The following UNC13C variants were observed in gnomAD, a reference collection of about 807,000 sequenced individuals.
UNC13C encodes the protein unc-13 homolog C.
UNC13C carries 174 observed loss-of-function variants against 245.4 expected under a neutral mutation model. That is an observed-to-expected ratio of 0.71 (90% confidence interval 0.63 to 0.80). The LOEUF (loss-of-function observed/expected upper bound fraction) is 0.80, where lower values mean the gene tolerates loss of function less well. Among genes scored for constraint, UNC13C ranks in the 30% least tolerant of loss-of-function variants. The probability of loss-of-function intolerance (pLI) is 0.00; values close to 1 mark genes in which losing one functional copy is unlikely to be tolerated. For synonymous variants in UNC13C, 992 were observed against 895.1 expected, an observed-to-expected ratio of 1.11 and a Z score of -1.93; for missense variants, 2,829 against 2,602.9, an observed-to-expected ratio of 1.09 and a Z score of -1.89.
chr15:53,923,763 A>C, the UNC13C span, among the ~76,000 whole-genome samples: 1 of 152,216 alleles, frequency 6.6e-6, no homozygotes. Context: ...CTCTGTTTGT[A>C]AGTGCTCCAA....
the UNC13C span, among the ~76,000 whole-genome samples, chr15:53,861,776 T>C: frequency 6.6e-6 from 1 of 152,150 alleles, no homozygotes; most frequent in Non-Finnish European, 1.5e-5. Flanking sequence ...TAAAGAGGAA[T>C]CATAACCTCA....
intron 4 of UNC13C, among the ~76,000 whole-genome samples, chr15:54,164,723 C>A (rs1030638701): frequency 6.6e-6 from 1 of 152,032 alleles, no homozygotes; most frequent in African/African-American, 2.4e-5. Flanking sequence ...TTGATGTAAA[C>A]GATTTGGGTT....
At chr15:54,206,308 C>T (rs2034706224) in intron 4 of UNC13C, among the ~76,000 whole-genome samples, 1 of 152,000 alleles carries the variant, frequency 6.6e-6, no homozygotes, top group South Asian at 2.1e-4. Context: ...TATCCCTCAT[C>T]CTCCAATCAA....
rs193043991 is a variant in UNC13C at position 54,328,484 on chromosome 15, G to A, written c.4426-3559G>A. ...CTAAGATAGCATGAATACATAGCTA[G>A]CACCTCCCAGGGGTGCTAAAGAAGG... On this transcript the variant is annotated intron_variant, in intron 14 of 32. Transcript: ENST00000260323. Among the ~76,000 whole-genome samples, 7 of 152,162 alleles carry A rather than the reference G, an allele frequency of 4.6e-5. No homozygotes were observed. The East Asian group carries it at 1.4e-3, about 30-fold the overall frequency.
At chr15:54,407,622 A>G (rs890035310) in intron 18 of UNC13C, among the ~76,000 whole-genome samples, 1 of 152,168 alleles carries the variant, frequency 6.6e-6, no homozygotes, top group Non-Finnish European at 1.5e-5. Context: ...AGCACAACCA[A>G]AATTGAAACC....
intron 18 of UNC13C, among the ~76,000 whole-genome samples, chr15:54,402,884 G>C (rs562909550): frequency 9.9e-5 from 15 of 152,188 alleles, no homozygotes; most frequent in African/African-American, 2.9e-4. Context: ...GGATCTGATT[G>C]CAACATCTTT....
intron 13 of UNC13C, among the ~76,000 whole-genome samples, chr15:54,315,149 A>T (rs2037976897): frequency 6.6e-6 from 1 of 151,738 alleles, no homozygotes; most frequent in Non-Finnish European, 1.5e-5. Context: ...AATCTCAGGT[A>T]ACTTCATGTA....
intron 1 of UNC13C, among the ~76,000 whole-genome samples, chr15:53,990,785 A>G (rs1294981830): frequency 2.0e-5 from 3 of 151,994 alleles, no homozygotes; most frequent in Admixed American, 6.6e-5. Flanking sequence ...TGTCCCTATC[A>G]TGTAATTTCA....
intron 2 of UNC13C, among the ~76,000 whole-genome samples, chr15:54,027,636 G>T (rs752896923): frequency 6.6e-6 from 1 of 152,160 alleles, no homozygotes; most frequent in Non-Finnish European, 1.5e-5. Context: ...CTCCCCAAGT[G>T]CTGGGATCAC....
intron 29 of UNC13C, among the ~76,000 whole-genome samples, chr15:54,565,376 A>T (rs1897465025): frequency 6.6e-6 from 1 of 152,036 alleles, no homozygotes; most frequent in Non-Finnish European, 1.5e-5. Flanking sequence ...GTGGCACAGC[A>T]GACACTACCA....
intron 2 of UNC13C, among the ~76,000 whole-genome samples, chr15:54,045,248 G>A (rs1166595148): frequency 1.3e-5 from 2 of 151,920 alleles, no homozygotes; most frequent in African/African-American, 4.8e-5. Context: ...TAAAACAGGG[G>A]TTTAGTTTCA....
At chr15:54,024,751 A>G (rs11629993) in intron 2 of UNC13C, among the ~76,000 whole-genome samples, 64,907 of 151,674 alleles carry the variant, frequency 0.43, 14,911 homozygotes, top group East Asian at 0.53. Flanking sequence ...CCCCGTCTCT[A>G]AAAACACAAA....
chr15:54,381,267 G>A (rs1003948221), intron 17 of UNC13C, among the ~76,000 whole-genome samples: 9 of 152,096 alleles, frequency 5.9e-5, no homozygotes, highest in South Asian at 2.1e-4. Flanking sequence ...CAGGTGGCTA[G>A]GATTTATTTT....
intron 30 of UNC13C, among the ~76,000 whole-genome samples, chr15:54,596,858 G>C (rs891820773): frequency 6.6e-6 from 1 of 152,104 alleles, no homozygotes; most frequent in Non-Finnish European, 1.5e-5. Context: ...AACTCCCAGA[G>C]GTCTCACCAG....
At chr15:54,581,332 C>T (rs1209031787) in intron 30 of UNC13C, among the ~76,000 whole-genome samples, 1 of 152,238 alleles carries the variant, frequency 6.6e-6, no homozygotes. Flanking sequence ...CCCAGAACAG[C>T]AGCCTCAGGA....
the UNC13C span, among the ~76,000 whole-genome samples, chr15:53,923,586 A>G: frequency 6.6e-6 from 1 of 152,164 alleles, no homozygotes; most frequent in Non-Finnish European, 1.5e-5. Flanking sequence ...ATCTTCCTTC[A>G]ATATTAGCTG....
intron 32 of UNC13C, among the ~76,000 whole-genome samples, chr15:54,626,544 T>C (rs553429793): frequency 9.3e-4 from 142 of 152,202 alleles, no homozygotes; most frequent in Admixed American, 2.0e-3. Context: ...CCATGACCCC[T>C]TTCCAACTCC....
chr15:54,265,113 T>C (rs892874846), intron 9 of UNC13C, among the ~76,000 whole-genome samples: 1 of 152,016 alleles, frequency 6.6e-6, no homozygotes, highest in Non-Finnish European at 1.5e-5. Context: ...AGCTAATATG[T>C]ATATGCATGT....
At chr15:54,386,618 C>T (rs2039842691) in intron 17 of UNC13C, among the ~76,000 whole-genome samples, 1 of 152,154 alleles carries the variant, frequency 6.6e-6, no homozygotes, top group African/African-American at 2.4e-5. Flanking sequence ...TCAGTTGCTG[C>T]AAAGGTTGTG....
Sources: allele counts gnomAD v4.1 joint callset (sites outside exome capture counted in the v4.1 genomes callset), GRCh38; gene constraint gnomAD v4.1.1; transcripts MANE v1.5; gene names NCBI Gene and HGNC (gene_info 2026-07-23, HGNC 2026-07-21).